The following ZNF208 variants were observed in gnomAD, a reference collection of about 807,000 sequenced individuals.
ZNF208 encodes the protein zinc finger protein 208, also known as zinc finger protein 95.
A neutral mutation model predicts 12.1 loss-of-function variants in ZNF208; 10 were observed. The observed-to-expected ratio is 0.83, with a 90% CI of 0.51 to 1.40. ZNF208 has a LOEUF of 1.40. Ranked by LOEUF, ZNF208 falls within the 40% of genes most tolerant of loss-of-function variation. The pLI is 0.00. For missense variants in ZNF208, 1,652 were observed against 1,485.0 expected, an observed-to-expected ratio of 1.11 and a Z score of -1.85; for synonymous variants, 497 against 488.4, an observed-to-expected ratio of 1.02 and a Z score of -0.23.
At chr19:21,955,026 G>A (rs1969950249) in intron 4 of ZNF208, among the ~76,000 whole-genome samples, 1 of 152,154 alleles carries the variant, frequency 6.6e-6, no homozygotes, top group African/African-American at 2.4e-5. Flanking sequence ...AGGCAGGCCT[G>A]GTGGTGACAA....
chr19:21,971,387 T>C lies in ZNF208; in HGVS notation c.3647A>G (p.Lys1216Arg). 4 of 1,610,056 alleles carry C rather than the reference T, an allele frequency of 2.5e-6. No individual in the cohort carries two copies. The highest frequency in any genetic ancestry group is 2.2e-5 in the South Asian group (2 of 91,002). ...YKWPSTLRYH[K>R]KIHTGEKPYK... ...GGGTTTCTCTCCAGTATGAATTTTC[T>C]TGTGATATCTAAGGGTTGAGGGCCA... The change falls in exon 4 of 4, where the codon AAG (lysine) becomes AGG (arginine). Residue 1216 changes from lysine to arginine, a missense_variant. Around this residue, in one of 3 missense-constraint regions of ZNF208, gnomAD observed 1,239 missense variants for 1,086.2 expected, o/e 1.14. Transcript: ENST00000397126.
At position 21,974,429 on chromosome 19, in the gene ZNF208, T is replaced by G. The variant is rs375556328; in HGVS notation, c.605A>C (p.Lys202Thr). ...AAAAGCTTTGCCACCTTCTTCACAT[T>G]TGTAGGAATTCTCTCTAGTATAAAT... ...KRIYTRENSYKCEEGGKAFNW... is the reference protein window; with the variant it reads ...KRIYTRENSYTCEEGGKAFNW... The change falls in exon 4 of 4, where the codon AAA (lysine) becomes ACA (threonine). Residue 202 changes from lysine to threonine, a missense_variant. Transcript: ENST00000397126. The G allele has an allele frequency of 4.3e-6, 7 of 1,613,662 alleles. No homozygotes were observed. The African/African-American group carries it at 5.3e-5, about 12-fold the overall frequency.
intron 3 of ZNF208, among the ~76,000 whole-genome samples, chr19:21,975,816 CAAAGTCCAAAAAAAAAAAAAAAAA>C (rs1277212131): frequency 6.9e-5 from 2 of 28,926 alleles, no homozygotes; most frequent in African/African-American, 3.1e-4. Context: ...GTGATATAGT[CAAAGTCCAAAAAAAAAAAAAAAAA>C]AAAAAAAAAA....
At chr19:22,001,032 T>A (rs1223509410) in intron 1 of ZNF208, among the ~76,000 whole-genome samples, 2 of 152,164 alleles carry the variant, frequency 1.3e-5, no homozygotes, top group African/African-American at 4.8e-5. Context: ...CTCACACCTG[T>A]AATCCCAGCA....
chr19:21,954,640 G>A (rs1187691278), intron 4 of ZNF208, among the ~76,000 whole-genome samples: 2 of 152,026 alleles, frequency 1.3e-5, no homozygotes, highest in African/African-American at 4.8e-5. Flanking sequence ...TGTTTTATCC[G>A]AGACTAGGAT....
chr19:22,005,975 A>G (rs1191685637), intron 1 of ZNF208, among the ~76,000 whole-genome samples: 1 of 152,104 alleles, frequency 6.6e-6, no homozygotes, highest in Non-Finnish European at 1.5e-5. Flanking sequence ...AACACTCTGC[A>G]TATTTTCTTC....
At chr19:21,977,138 CGT>C (rs565635752) in intron 3 of ZNF208, among the ~76,000 whole-genome samples, 1 of 152,168 alleles carries the variant, frequency 6.6e-6, no homozygotes, top group East Asian at 1.9e-4. Flanking sequence ...ACGTTGAATA[CGT>C]GTGTGTGTGT....
intron 4 of ZNF208, among the ~76,000 whole-genome samples, chr19:21,956,380 T>C (rs866221142): frequency 1.8e-4 from 27 of 152,346 alleles, no homozygotes; most frequent in African/African-American, 6.3e-4. Flanking sequence ...GACAGGGACA[T>C]TTAAGTCTGC....
chr19:21,996,681 A>G (rs951112773), intron 1 of ZNF208, among the ~76,000 whole-genome samples: 1 of 152,196 alleles, frequency 6.6e-6, no homozygotes, highest in Non-Finnish European at 1.5e-5. Flanking sequence ...TTTTAGCATG[A>G]GGAGGGAGGG....
At chr19:21,996,176 G>GTCAA (rs1970833227) in intron 1 of ZNF208, among the ~76,000 whole-genome samples, 1 of 152,136 alleles carries the variant, frequency 6.6e-6, no homozygotes, top group African/African-American at 2.4e-5. Flanking sequence ...GTTTATTTGG[G>GTCAA]TCAAGCTTAA....
At chr19:21,991,843 C>T (rs569412800) in intron 1 of ZNF208, 10 of 151,428 alleles carry the variant, frequency 6.6e-5, no homozygotes, top group African/African-American at 2.2e-4. Flanking sequence ...GAAGGTATCA[C>T]TCAAATTTTA....
chr19:21,981,114 C>T (rs905811611), intron 3 of ZNF208, among the ~76,000 whole-genome samples: 5 of 151,892 alleles, frequency 3.3e-5, no homozygotes, highest in African/African-American at 1.2e-4. Flanking sequence ...GGATTCACAA[C>T]CTTTGTACCA....
intron 4 of ZNF208, among the ~76,000 whole-genome samples, chr19:21,953,258 A>T (rs1969920602): frequency 6.6e-6 from 1 of 152,200 alleles, no homozygotes; most frequent in Non-Finnish European, 1.5e-5. Flanking sequence ...ATTAGCCAGG[A>T]GAACTTCCCC....
chr19:21,997,065 A>C (rs541383070), intron 1 of ZNF208, among the ~76,000 whole-genome samples: 1 of 152,322 alleles, frequency 6.6e-6, no homozygotes, highest in South Asian at 2.1e-4. Context: ...AGGTTTGGGA[A>C]ATATAATTAG....
At chr19:21,993,845 A>G (rs76952328) in intron 1 of ZNF208, among the ~76,000 whole-genome samples, 2 of 152,206 alleles carry the variant, frequency 1.3e-5, no homozygotes, top group African/African-American at 4.8e-5. Flanking sequence ...GAAAAAAAAA[A>G]GCAGCAATTT....
intron 4 of ZNF208, among the ~76,000 whole-genome samples, chr19:21,942,780 C>T (rs756080502): frequency 3.9e-5 from 6 of 152,064 alleles, no homozygotes; most frequent in Non-Finnish European, 7.4e-5. Context: ...CCCTGAGTAG[C>T]TGGTATTACA....
chr19:22,010,763 TCTC>T (rs1353719827), intron 1 of ZNF208, 26 bp downstream of exon 1: 1 of 1,613,928 alleles, frequency 6.2e-7, no homozygotes, highest in East Asian at 2.2e-5. Flanking sequence ...CGGGCCACTC[TCTC>T]AGTGTGTCGG....
rs1357917837 is a variant in ZNF208, at chr19:21,966,940, T to A, written c.*4251A>T. On this transcript the variant is annotated 3_prime_UTR_variant, in exon 4 of 4. Transcript: ENST00000397126. ...GCTATTCATATCATGTTTGCTTTTTTATTAAATGTATTATAGATTCTGTAC... is the reference window on the plus strand; with the variant it reads ...GCTATTCATATCATGTTTGCTTTTTAATTAAATGTATTATAGATTCTGTAC... 1 of 152,178 alleles carries A rather than the reference T, an allele frequency of 6.6e-6. No homozygotes were observed. The highest frequency in any genetic ancestry group is 6.6e-5 in the Admixed American group (1 of 15,262). The allele number at this position is 152,178 out of a possible 1,614,324, so 9.4% of individuals were successfully genotyped here.
At chr19:21,943,116 C>A (rs1244918075) in intron 4 of ZNF208, among the ~76,000 whole-genome samples, 2 of 152,108 alleles carry the variant, frequency 1.3e-5, no homozygotes, top group African/African-American at 4.8e-5. Context: ...ACTTTTATAA[C>A]CTTGCACCAC....
Sources: gnomAD v4.1 joint callset for allele counts (sites outside exome capture counted in the v4.1 genomes callset) on GRCh38, gnomAD v4.1.1 for gene constraint, gnomAD v4.1.1 regional missense constraint, MANE v1.5 for transcripts, NCBI Gene and HGNC (gene_info 2026-07-23, HGNC 2026-07-21) for gene names.